The following FAM120C variants were observed in gnomAD, a reference collection of about 807,000 sequenced individuals.
The protein encoded by FAM120C is constitutive coactivator of PPAR-gamma-like protein 2.
A neutral mutation model predicts 71.2 loss-of-function variants in FAM120C; 14 were observed. The observed-to-expected ratio is 0.20, with a 90% CI of 0.13 to 0.31. The LOEUF (loss-of-function observed/expected upper bound fraction) is 0.31, where lower values mean the gene tolerates loss of function less well. Among genes scored for constraint, FAM120C ranks in the 10% least tolerant of loss-of-function variants. The pLI is 1.00. For synonymous variants in FAM120C, 354 were observed against 353.2 expected, an observed-to-expected ratio of 1.00 and a Z score of -0.03; for missense variants, 500 against 879.0, an observed-to-expected ratio of 0.57 and a Z score of 5.45.
chrX:54,112,373 C>T (rs947860597), intron 10 of FAM120C, among the ~76,000 whole-genome samples: 14 of 109,494 alleles, frequency 1.3e-4, no homozygotes, highest in African/African-American at 6.6e-5. Context: ...GCCGAGATCG[C>T]GCCACTGCAC....
At chrX:54,077,089 C>T (rs1284763911) in intron 15 of FAM120C, among the ~76,000 whole-genome samples, 1 of 110,562 alleles carries the variant, frequency 9.0e-6, no homozygotes, top group Admixed American at 9.7e-5. Context: ...AAAAAAAAAG[C>T]TAGCTAATAT....
chrX:54,082,629 G>A (rs1438531089), intron 13 of FAM120C, among the ~76,000 whole-genome samples: 2 of 108,823 alleles, frequency 1.8e-5, no homozygotes, highest in African/African-American at 3.3e-5. Flanking sequence ...GGCTGGTCTC[G>A]AACTCCTGAC....
chrX:54,132,880 C>A lies in FAM120C; in HGVS notation c.1891-17G>T. The stretch of plus-strand genomic sequence containing the variant: ...AATTTCACCCTAACAAGAGAACATT[C>A]CAGGGAAAAGGAAAAAATGAGTTAC... On this transcript the variant is annotated splice_polypyrimidine_tract_variant and intron_variant, in intron 8 of 15. Transcript: ENST00000375180. 1.7e-6 allele frequency: 2 copies of A among 1,165,228 alleles called. No homozygotes were observed. The highest frequency in any genetic ancestry group is 2.6e-5 in the Admixed American group (1 of 38,458).
At position 54,134,923 on chromosome X, in the gene FAM120C, A is replaced by G. The variant is rs782604316; in HGVS notation, c.1524T>C (p.Asn508=). The part of the protein sequence containing the change: ...SYDSSASQFP[N]YLPSKASPPL... The stretch of plus-strand genomic sequence containing the variant: ...GAGGTGAGGCTTTAGAAGGCAGGTA[A>G]TTGGGAAACTGGGATGCAGAAGAGT... The change falls in exon 7 of 16, where the codon AAT becomes AAC. Residue 508 remains asparagine, a synonymous_variant. Coordinates refer to ENST00000375180, the MANE Select transcript of FAM120C (RefSeq NM_017848.6). The G allele has an allele frequency of 1.7e-6, 2 of 1,209,527 alleles. No homozygotes were observed. The highest frequency in any genetic ancestry group is 2.2e-5 in the Admixed American group (1 of 45,579).
chrX:54,134,749 C>T, intron 7 of FAM120C, 82 bp downstream of exon 7: 1 of 1,005,804 alleles, frequency 9.9e-7, no homozygotes, highest in Non-Finnish European at 1.3e-6. Context: ...TACACTTTCC[C>T]ACACCCTCCA....
intron 15 of FAM120C, among the ~76,000 whole-genome samples, chrX:54,078,239 G>A (rs893200663): frequency 1.3e-5 from 1 of 76,464 alleles, no homozygotes; most frequent in African/African-American, 5.0e-5. Flanking sequence ...CACCGCGCCC[G>A]GCCGAGATCT....
At chrX:54,160,727 G>A (rs1448457748) in intron 1 of FAM120C, among the ~76,000 whole-genome samples, 1 of 111,311 alleles carries the variant, frequency 9.0e-6, no homozygotes, top group Non-Finnish European at 1.9e-5. Flanking sequence ...TATGTACTAT[G>A]TGCATTAACT....
At chrX:54,178,107 C>T (rs960545046) in intron 1 of FAM120C, among the ~76,000 whole-genome samples, 2 of 111,276 alleles carry the variant, frequency 1.8e-5, no homozygotes, top group East Asian at 2.8e-4. Flanking sequence ...GATAATGGCT[C>T]GAAGGAATTA....
At chrX:54,115,861 G>T (rs1245664641) in intron 10 of FAM120C, among the ~76,000 whole-genome samples, 1 of 111,617 alleles carries the variant, frequency 9.0e-6, no homozygotes, top group African/African-American at 3.3e-5. Flanking sequence ...AAGGTGGGCA[G>T]ATCACCTGAG....
chrX:54,112,995 G>A (rs1019320708), intron 10 of FAM120C, among the ~76,000 whole-genome samples: 6 of 110,433 alleles, frequency 5.4e-5, no homozygotes, highest in Middle Eastern at 9.4e-3. Flanking sequence ...ACTCCAGCCT[G>A]GGCAACAAGA....
chrX:54,139,728 G>A (rs782298724), intron 4 of FAM120C, among the ~76,000 whole-genome samples: 1 of 110,532 alleles, frequency 9.0e-6, no homozygotes, highest in South Asian at 3.9e-4. Flanking sequence ...GTACAGTGGT[G>A]TGATGATAGC....
chrX:54,082,945 C>T (rs186282561), intron 13 of FAM120C, among the ~76,000 whole-genome samples: 5 of 108,519 alleles, frequency 4.6e-5, no homozygotes, highest in African/African-American at 1.0e-4. Context: ...GGTGAAATCC[C>T]GTCTCTACTA....
intron 10 of FAM120C, among the ~76,000 whole-genome samples, chrX:54,109,496 T>C (rs369379622): frequency 5.5e-5 from 6 of 108,264 alleles, no homozygotes; most frequent in African/African-American, 2.0e-4. Flanking sequence ...GCCCCTGTAG[T>C]CTCAGCTACT....
intron 13 of FAM120C, 71 bp from the exon 14 acceptor site, chrX:54,081,531 GGAGGCT>G: frequency 9.0e-7 from 1 of 1,109,762 alleles, no homozygotes; most frequent in East Asian, 3.1e-5. Flanking sequence ...CAAAACTTTG[GGAGGCT>G]GAGTCGGGCG....
chrX:54,089,427 G>A (rs995658679), intron 11 of FAM120C, among the ~76,000 whole-genome samples: 1 of 111,324 alleles, frequency 9.0e-6, no homozygotes, highest in Admixed American at 9.7e-5. Flanking sequence ...CCTAGGTGTC[G>A]TTTAGCACGA....
chrX:54,136,123 C>T (rs782098492), intron 5 of FAM120C, among the ~76,000 whole-genome samples: 1 of 110,654 alleles, frequency 9.0e-6, no homozygotes, highest in East Asian at 2.9e-4. Context: ...CTCAGCCTCC[C>T]GAGTAGCTGG....
intron 4 of FAM120C, among the ~76,000 whole-genome samples, chrX:54,148,366 GC>G (rs1437149372): frequency 2.7e-5 from 3 of 111,654 alleles, no homozygotes; most frequent in Non-Finnish European, 5.6e-5. Context: ...AAAAATGTTG[GC>G]CAGGTGCAGT....
At chrX:54,142,273 G>A (rs1168517510) in intron 4 of FAM120C, among the ~76,000 whole-genome samples, 1 of 111,750 alleles carries the variant, frequency 8.9e-6, no homozygotes, top group African/African-American at 3.2e-5. Context: ...AGAACAGGGT[G>A]GGGCATTGCC....
At chrX:54,175,023 G>T (rs998713758) in intron 1 of FAM120C, among the ~76,000 whole-genome samples, 3 of 110,942 alleles carry the variant, frequency 2.7e-5, no homozygotes, top group African/African-American at 9.8e-5. Flanking sequence ...TCCTCTACTA[G>T]ATAGACTATG....
Sources: allele counts gnomAD v4.1 joint callset (sites outside exome capture counted in the v4.1 genomes callset), GRCh38; gene constraint gnomAD v4.1.1; transcripts MANE v1.5; gene names NCBI Gene and HGNC (gene_info 2026-07-23, HGNC 2026-07-21).